Variants in DOCK1 observed in about 807,000 individuals in gnomAD.
The protein encoded by DOCK1 is dedicator of cytokinesis 1.
DOCK1 carries 138 observed loss-of-function variants against 262.7 expected under a neutral mutation model. That is an observed-to-expected ratio of 0.53 (90% CI 0.46 to 0.61). The LOEUF is 0.61. Ranked by LOEUF, DOCK1 falls within the 20% of genes least tolerant of loss-of-function variation. The pLI is 0.00. For synonymous variants in DOCK1, 866 were observed against 867.4 expected, an observed-to-expected ratio of 1.00 and a Z score of 0.03; for missense variants, 1,908 against 2,370.7, an observed-to-expected ratio of 0.80 and a Z score of 4.05.
chr10:127,048,176 G>A (rs1191300968), intron 21 of DOCK1, among the ~76,000 whole-genome samples: 2 of 152,128 alleles, frequency 1.3e-5, no homozygotes, highest in African/African-American at 4.8e-5. Context: ...TCAACATTTA[G>A]TAGTGTCTGA....
At chr10:127,353,105 C>A (rs994437359) in intron 31 of DOCK1, among the ~76,000 whole-genome samples, 4 of 152,170 alleles carry the variant, frequency 2.6e-5, no homozygotes, top group Non-Finnish European at 5.9e-5. Flanking sequence ...GCTTGTCCAA[C>A]CCCTGCTTGG....
intron 18 of DOCK1, among the ~76,000 whole-genome samples, chr10:127,036,139 G>C (rs936182705): frequency 1.3e-5 from 2 of 152,130 alleles, no homozygotes; most frequent in African/African-American, 4.8e-5. Context: ...CTTTCTACAC[G>C]TCATGTCAGT....
chr10:126,934,716 C>CAGCT (rs1365459615), intron 1 of DOCK1, among the ~76,000 whole-genome samples: 2 of 146,976 alleles, frequency 1.4e-5, no homozygotes, highest in African/African-American at 5.0e-5. Context: ...CTTGCTAGCA[C>CAGCT]AGCTAGTCAC....
rs1203039247 is a variant in DOCK1, at chr10:127,404,544, A to G, written c.4122+115A>G. 7.6e-6 allele frequency: 7 copies of G among 924,532 alleles called. No individual in the cohort carries two copies. The African/African-American group carries it at 1.2e-4, about 15-fold the overall frequency. The allele number at this position is 924,532 out of a possible 1,614,324, so 57.3% of individuals were successfully genotyped here. A position where few individuals can be genotyped will look rare whatever the true frequency, so the allele number is the denominator to read the frequency against. On this transcript the variant is annotated intron_variant, in intron 40 of 51. Coordinates refer to ENST00000623213, the MANE Select transcript of DOCK1 (RefSeq NM_001290223.2). ...TCCGCGTGGGATCGTGCAACTCTCTACACTGCCATAGCTCGGTGGTTAGCC... is the reference window on the plus strand; with the variant it reads ...TCCGCGTGGGATCGTGCAACTCTCTGCACTGCCATAGCTCGGTGGTTAGCC...
chr10:127,153,415 A>G (rs2052702664), intron 27 of DOCK1, among the ~76,000 whole-genome samples: 1 of 152,186 alleles, frequency 6.6e-6, no homozygotes, highest in South Asian at 2.1e-4. Flanking sequence ...ACAATCCTCG[A>G]GAGTTCCCAG....
intron 5 of DOCK1, among the ~76,000 whole-genome samples, chr10:126,988,784 T>C (rs2072373130): frequency 2.0e-5 from 3 of 152,136 alleles, no homozygotes; most frequent in Admixed American, 2.0e-4. Flanking sequence ...TATAATATTT[T>C]TATATGGGCT....
intron 43 of DOCK1, 120 bp downstream of exon 43, chr10:127,411,044 T>C (rs2067816944): frequency 2.1e-6 from 2 of 967,068 alleles, no homozygotes; most frequent in African/African-American, 3.3e-5. Flanking sequence ...AATGTCTTTG[T>C]GTATTATGTG....
intron 27 of DOCK1, among the ~76,000 whole-genome samples, chr10:127,129,662 G>T (rs1290764674): frequency 6.6e-6 from 1 of 152,202 alleles, no homozygotes; most frequent in Non-Finnish European, 1.5e-5. Context: ...TGCCGCAGGT[G>T]CACTCTGCAC....
At chr10:127,302,481 T>A (rs532166937) in intron 29 of DOCK1, among the ~76,000 whole-genome samples, 1 of 152,116 alleles carries the variant, frequency 6.6e-6, no homozygotes, top group Non-Finnish European at 1.5e-5. Context: ...ATGGTTGCTT[T>A]CCATAGGTAA....
chr10:126,936,099 G>A (rs1446344835), intron 1 of DOCK1, among the ~76,000 whole-genome samples: 2 of 152,134 alleles, frequency 1.3e-5, no homozygotes, highest in African/African-American at 2.4e-5. Flanking sequence ...TCCCACCTCA[G>A]CCTCCCCAGT....
chr10:127,362,956 TGCATCCCCACATACACATACACATAC>T (rs1565027150), intron 33 of DOCK1, among the ~76,000 whole-genome samples: 32 of 3,244 alleles, frequency 9.9e-3, no homozygotes, highest in African/African-American at 0.028. Context: ...CATACACATG[TGCATCCCCACATACACATACACATAC>T]ACATCCCCCC....
chr10:127,035,218 G>T (rs1477377029), intron 18 of DOCK1, among the ~76,000 whole-genome samples: 2 of 152,164 alleles, frequency 1.3e-5, no homozygotes, highest in African/African-American at 4.8e-5. Context: ...ACCATGATTT[G>T]TTCCTGCGAA....
intron 27 of DOCK1, among the ~76,000 whole-genome samples, chr10:127,242,761 G>A: frequency 6.6e-6 from 1 of 152,078 alleles, no homozygotes. Context: ...TGAAATTTAA[G>A]CATTTGAGTG....
intron 27 of DOCK1, chr10:127,136,454 A>C (rs1268262293): frequency 6.6e-6 from 1 of 151,320 alleles, no homozygotes; most frequent in African/African-American, 2.5e-5. Context: ...GTATGCTCAC[A>C]AACTATTCAA....
intron 31 of DOCK1, among the ~76,000 whole-genome samples, chr10:127,346,560 C>T (rs1926436): frequency 0.033 from 5,034 of 152,202 alleles, 103 homozygotes; most frequent in Non-Finnish European, 0.047. Flanking sequence ...CACACGACTG[C>T]GCTCCAGCCT....
intron 30 of DOCK1, among the ~76,000 whole-genome samples, chr10:127,339,695 T>TTGTGTGTGTGTGTGTG (rs112206811): frequency 1.1e-4 from 12 of 109,832 alleles, no homozygotes; most frequent in Admixed American, 3.0e-4. Flanking sequence ...CTGGCCTGAT[T>TTGTGTGTGTGTGTGTG]TGTGTGTGTG....
intron 16 of DOCK1, among the ~76,000 whole-genome samples, chr10:127,028,947 C>G (rs558539054): frequency 6.6e-6 from 1 of 152,298 alleles, no homozygotes; most frequent in African/African-American, 2.4e-5. Context: ...AGGTTAAGAA[C>G]GGGGTTCTGG....
chr10:127,350,273 A>AC (rs1462864899), intron 31 of DOCK1, among the ~76,000 whole-genome samples: 1 of 150,210 alleles, frequency 6.7e-6, no homozygotes, highest in African/African-American at 2.5e-5. Flanking sequence ...GCTTTAAAAA[A>AC]AACCTGCCTC....
In DOCK1 at chr10:127,280,139, A is replaced by T. The variant is rs2060903096; in HGVS notation, c.3044+22710A>T. Among the ~76,000 whole-genome samples the T allele has an allele frequency of 2.0e-5, 3 of 147,860 alleles. No individual in the cohort carries two copies. The South Asian group carries it at 6.4e-4, about 32-fold the overall frequency. On this transcript the variant is annotated intron_variant, in intron 29 of 51. Transcript: ENST00000623213. ...AAGCTCCGCCTCCCGGGTTCACGCC[A>T]TTCTCCTGCCTCAGCCTCCCGAGTA...
Sources: gnomAD v4.1 joint callset for allele counts (sites outside exome capture counted in the v4.1 genomes callset) on GRCh38, gnomAD v4.1.1 for gene constraint, MANE v1.5 for transcripts, NCBI Gene and HGNC (gene_info 2026-07-23, HGNC 2026-07-21) for gene names.